Variants in DNAH11 observed in about 807,000 individuals in gnomAD.
DNAH11 encodes axonemal beta dynein heavy chain 11.
Under a neutral mutation model 526.0 loss-of-function variants are expected in DNAH11, and 442 were observed. The observed-to-expected ratio is 0.84, with a 90% CI of 0.78 to 0.91. The LOEUF is 0.91. Ranked by LOEUF, DNAH11 falls within the 40% of genes least tolerant of loss-of-function variation. The pLI is 0.00. For missense variants in DNAH11, 6,989 were observed against 5,448.7 expected (o/e 1.28, Z -8.90); for synonymous variants, 2,461 against 1,935.9 (o/e 1.27, Z -7.12).
intron 64 of DNAH11, among the ~76,000 whole-genome samples, chr7:21,817,628 G>A (rs1789858105): frequency 6.6e-6 from 1 of 151,814 alleles, no homozygotes; most frequent in Non-Finnish European, 1.5e-5. Flanking sequence ...AGGAGATTGA[G>A]GCTACATTGA....
Position 21,571,848 on chromosome 7 carries a change from C to G in DNAH11, c.1468C>G (p.Leu490Val), listed in dbSNP as rs758448845. Reference sequence around the variant, plus strand: ...TTTGGAATTTGAAAAGCTGGAAAGACTGGAATTTGGTGGTACCAAAGGAGC... The same window carrying G: ...TTTGGAATTTGAAAAGCTGGAAAGAGTGGAATTTGGTGGTACCAAAGGAGC... ...TTLEFEKLERLEFGGTKGAIL... is the reference protein window; with the variant it reads ...TTLEFEKLERVEFGGTKGAIL... Residue 490 changes from leucine to valine, a missense_variant, in exon 8 of 82, where the codon CTG becomes GTG. By Grantham distance (32) the Leu-to-Val change is conservative (BLOSUM62 1). Coordinates refer to ENST00000409508, the MANE Select transcript of DNAH11 (RefSeq NM_001277115.2). The G allele has an allele frequency of 1.2e-6, 2 of 1,612,976 alleles. No individual in the cohort carries two copies.
intron 43 of DNAH11, among the ~76,000 whole-genome samples, chr7:21,719,439 A>C (rs1458970636): frequency 6.6e-6 from 1 of 152,226 alleles, no homozygotes; most frequent in Non-Finnish European, 1.5e-5. Context: ...GAGAAAATAG[A>C]AGAAACACAT....
chr7:21,828,902 C>G (rs2128007369), intron 65 of DNAH11, among the ~76,000 whole-genome samples: 1 of 152,072 alleles, frequency 6.6e-6, no homozygotes, highest in East Asian at 1.9e-4. Context: ...TATGAAGCAG[C>G]AAGACAATTA....
intron 32 of DNAH11, 138 bp from the exon 33 acceptor site, chr7:21,686,961 C>G (rs972818408): frequency 1.4e-6 from 1 of 695,666 alleles, no homozygotes; most frequent in Non-Finnish European, 2.1e-6. Flanking sequence ...TTGCCATGAA[C>G]AAATCAGAAG....
chr7:21,606,475 G>A lies in DNAH11; in HGVS notation c.3698G>A (p.Arg1233Lys). The A allele has an allele frequency of 6.2e-7, 1 of 1,610,816 alleles. No homozygotes were observed. Among genetic ancestry groups the A allele is most frequent in the Non-Finnish European group, 8.5e-7 (1 of 1,179,248 alleles). ...ACCAAAAAGATCGCAGCAACTGTCAGACATGAAGTCTCACCTCTCCATAAT... is the reference window on the plus strand; with the variant it reads ...ACCAAAAAGATCGCAGCAACTGTCAAACATGAAGTCTCACCTCTCCATAAT... The part of the protein sequence containing the change: ...ETTKKIAATV[R>K]HEVSPLHNAE... Residue 1233 changes from arginine to lysine, a missense_variant, in exon 19 of 82, where the codon AGA becomes AAA. Arg to Lys is a conservative substitution (Grantham distance 26). Coordinates refer to ENST00000409508, the MANE Select transcript of DNAH11 (RefSeq NM_001277115.2).
At chr7:21,679,629 CA>C (rs1783058093) in intron 30 of DNAH11, among the ~76,000 whole-genome samples, 2 of 152,002 alleles carry the variant, frequency 1.3e-5, no homozygotes, top group Non-Finnish European at 2.9e-5. Context: ...TTCTTTAAGC[CA>C]GCTTTCCTTT....
chr7:21,775,748 C>A (rs1173239393), intron 56 of DNAH11, among the ~76,000 whole-genome samples: 1 of 152,090 alleles, frequency 6.6e-6, no homozygotes, highest in South Asian at 2.1e-4. Context: ...AAATCAAGAC[C>A]CCTTTCCATA....
chr7:21,840,865 A>G (rs1388144360), intron 65 of DNAH11, among the ~76,000 whole-genome samples: 1 of 152,200 alleles, frequency 6.6e-6, no homozygotes, highest in African/African-American at 2.4e-5. Context: ...CAATGCAGAA[A>G]GTATTGGAAA....
intron 24 of DNAH11, among the ~76,000 whole-genome samples, chr7:21,619,493 T>G (rs980284381): frequency 6.6e-6 from 1 of 152,210 alleles, no homozygotes; most frequent in African/African-American, 2.4e-5. Flanking sequence ...TCTGAGTGCT[T>G]TATTTATATT....
chr7:21,588,674 A>G, intron 11 of DNAH11, 38 bp downstream of exon 11: 2 of 1,602,244 alleles, frequency 1.2e-6, no homozygotes, highest in Non-Finnish European at 1.7e-6. Flanking sequence ...AGTTATTCTA[A>G]TGGTACGGGT....
At position 21,600,710 on chromosome 7, in the gene DNAH11, TC is replaced by T; in HGVS notation, c.3036del (p.Arg1013GlyfsTer5). 6.2e-7 allele frequency: 1 copy of T among 1,613,318 alleles called. No individual in the cohort carries two copies. Among genetic ancestry groups the T allele is most frequent in the Non-Finnish European group, 8.5e-7 (1 of 1,179,528 alleles). On this transcript the variant is annotated frameshift_variant, in exon 16 of 82. Transcript: ENST00000409508. LOFTEE classifies it high-confidence loss of function. ...GATAACATGTTAGGCCTGGCAGAGG[TC>T]AGGCAGGAGATCATGAACAGAGTGG... ...DMDNMLGLAE[V>X]RQEIMNRVVN...
At chr7:21,706,052 C>T (rs1039816163) in intron 39 of DNAH11, among the ~76,000 whole-genome samples, 4 of 152,108 alleles carry the variant, frequency 2.6e-5, no homozygotes, top group African/African-American at 9.7e-5. Context: ...TCCTTCAGTA[C>T]TCCCTCAGAA....
intron 14 of DNAH11, among the ~76,000 whole-genome samples, chr7:21,593,146 C>T (rs1335471041): frequency 6.6e-6 from 1 of 152,088 alleles, no homozygotes. Context: ...GAAAATCCCA[C>T]AGAGGATACT....
rs371784707 is a variant in DNAH11 at position 21,704,575 on chromosome 7, A to G, written c.6415A>G (p.Arg2139Gly). 6 of 1,613,780 alleles carry G rather than the reference A, an allele frequency of 3.7e-6. No homozygotes were observed. Among genetic ancestry groups the G allele is most frequent in the Non-Finnish European group, 4.2e-6 (5 of 1,179,778 alleles). The change falls in exon 38 of 82, where the codon AGG becomes GGG. Residue 2139 changes from arginine to glycine, a missense_variant. Coordinates refer to ENST00000409508, the MANE Select transcript of DNAH11 (RefSeq NM_001277115.2). ...RRKLHFEQMV[R>G]QSTLELRLQP... ...GAAGCTGCACTTTGAACAGATGGTCAGGCAGTCTACCCTGGAGCTCCGCCT... is the reference window on the plus strand; with the variant it reads ...GAAGCTGCACTTTGAACAGATGGTCGGGCAGTCTACCCTGGAGCTCCGCCT...
intron 44 of DNAH11, among the ~76,000 whole-genome samples, chr7:21,725,059 C>A (rs902588895): frequency 2.2e-5 from 3 of 138,424 alleles, no homozygotes; most frequent in Non-Finnish European, 4.7e-5. Context: ...TATTTTCCAA[C>A]CCTAATCTAG....
chr7:21,799,212 G>T (rs899524671), intron 61 of DNAH11, among the ~76,000 whole-genome samples: 1 of 152,196 alleles, frequency 6.6e-6, no homozygotes, highest in Non-Finnish European at 1.5e-5. Flanking sequence ...TGCTTAGCTG[G>T]TAGCAGCATC....
At chr7:21,863,250 G>A (rs1783139637) in intron 69 of DNAH11, among the ~76,000 whole-genome samples, 1 of 152,164 alleles carries the variant, frequency 6.6e-6, no homozygotes. Context: ...TGCCAAAGAA[G>A]GCACTTTATA....
chr7:21,899,189 G>A (rs944984702), intron 79 of DNAH11, 147 bp from the exon 80 acceptor site: 60 of 675,136 alleles, frequency 8.9e-5, no homozygotes, highest in Non-Finnish European at 1.4e-4. Flanking sequence ...ACAGTGCCCT[G>A]CAAATTGTCA....
chr7:21,839,536 C>T (rs961448834), intron 65 of DNAH11, among the ~76,000 whole-genome samples: 1 of 151,274 alleles, frequency 6.6e-6, no homozygotes, highest in Non-Finnish European at 1.5e-5. Context: ...GATCACACCA[C>T]TGCACTCCAA....
Sources: allele counts gnomAD v4.1 joint callset (sites outside exome capture counted in the v4.1 genomes callset), GRCh38; gene constraint gnomAD v4.1.1; transcripts MANE v1.5; gene names NCBI Gene and HGNC (gene_info 2026-07-23, HGNC 2026-07-21).